Variants in SUMO2 observed in about 807,000 individuals in gnomAD.
The protein encoded by SUMO2 is small ubiquitin-related modifier 2.
Under a neutral mutation model 16.0 loss-of-function variants are expected in SUMO2, and 1 was observed. The observed-to-expected ratio is 0.06, with a 90% confidence interval of 0.02 to 0.30. The LOEUF (loss-of-function observed/expected upper bound fraction) is 0.30. Ranked by LOEUF, SUMO2 falls within the 10% of genes least tolerant of loss-of-function variation. The probability of loss-of-function intolerance (pLI) is 1.00; values close to 1 mark genes in which losing one functional copy is unlikely to be tolerated. For missense variants in SUMO2, 16 were observed against 117.5 expected (o/e 0.14, Z 3.99); for synonymous variants, 36 against 40.6 (o/e 0.89, Z 0.43).
At chr17:75,168,462 T>G in intron 3 of SUMO2, 61 bp from the exon 4 acceptor site, 1 of 1,495,942 alleles carries the variant, frequency 6.7e-7, no homozygotes, top group Non-Finnish European at 9.1e-7. Flanking sequence ...TTAATGATTT[T>G]TGGGTTTAAG....
At position 75,170,531 on chromosome 17, in the gene SUMO2, C is replaced by G. The variant is rs147950264; in HGVS notation, c.226-2130G>C. ...GTTACAGTGAGCTGTGATTGCCCCA[C>G]TGCACTCCAGCCTGGCAACAGAGCA... On this transcript the variant is annotated intron_variant, in intron 3 of 3. Transcript: ENST00000420826. Among the ~76,000 whole-genome samples, 148 of 152,178 alleles carry G rather than the reference C, an allele frequency of 9.7e-4. 2 individuals carry two copies. Among genetic ancestry groups the G allele is most frequent in the African/African-American group, 3.5e-3 (146 of 41,504 alleles).
At chr17:75,171,756 C>A (rs2074740435) in intron 3 of SUMO2, among the ~76,000 whole-genome samples, 2 of 152,002 alleles carry the variant, frequency 1.3e-5, no homozygotes, top group African/African-American at 4.8e-5. Context: ...AGCAGATAAT[C>A]CCGTTTTAGT....
chr17:75,177,500 T>C (rs2074791662), intron 2 of SUMO2, among the ~76,000 whole-genome samples: 1 of 151,898 alleles, frequency 6.6e-6, no homozygotes, highest in African/African-American at 2.4e-5. Context: ...CTGATCAACA[T>C]GGTGAAGCCC....
intron 3 of SUMO2, among the ~76,000 whole-genome samples, chr17:75,173,232 T>A (rs2074755717): frequency 6.6e-6 from 1 of 152,088 alleles, no homozygotes; most frequent in Non-Finnish European, 1.5e-5. Context: ...AGTATGATCA[T>A]AACTCACTGC....
chr17:75,181,594 A>G (rs1040724624), intron 1 of SUMO2, among the ~76,000 whole-genome samples: 1 of 152,182 alleles, frequency 6.6e-6, no homozygotes, highest in African/African-American at 2.4e-5. Flanking sequence ...AAACAAAACA[A>G]TAAATCTACA....
chr17:75,168,290 C>G lies in SUMO2; in HGVS notation c.*49G>C. ...GCAGTTTTCTAATTGAGAATGTAAT[C>G]TTGGTCTTTAAAGAACAGAGTTCTG... On this transcript the variant is annotated 3_prime_UTR_variant, in exon 4 of 4. Coordinates refer to ENST00000420826, the MANE Select transcript of SUMO2 (RefSeq NM_006937.4). 2 of 1,402,914 alleles carry G rather than the reference C, an allele frequency of 1.4e-6. No homozygotes were observed. The highest frequency in any genetic ancestry group is 1.9e-6 in the Non-Finnish European group (2 of 1,028,766). The allele number at this position is 1,402,914 out of a possible 1,614,324, so 86.9% of individuals were successfully genotyped here.
At chr17:75,181,989 C>A (rs1342628246) in intron 1 of SUMO2, among the ~76,000 whole-genome samples, 1 of 151,818 alleles carries the variant, frequency 6.6e-6, no homozygotes, top group Non-Finnish European at 1.5e-5. Flanking sequence ...GGGGGTGCCA[C>A]CAAACTAAAA....
rs143165653 is a variant in SUMO2 at position 75,176,274 on chromosome 17, G to A, written c.154-1451C>T. On this transcript the variant is annotated intron_variant, in intron 2 of 3. Coordinates refer to ENST00000420826, the MANE Select transcript of SUMO2 (RefSeq NM_006937.4). ...AGGATGGTCTCAATTTCCTGACCTC[G>A]TGATCCGCCTGGCTGGCCACTAACA... 5.6e-3 allele frequency among the ~76,000 whole-genome samples: 855 copies of A among 152,034 alleles called. 7 individuals carry two copies. The highest frequency in any genetic ancestry group is 0.019 in the African/African-American group (804 of 41,476).
Position 75,168,249 on chromosome 17 carries a change from G to A in SUMO2, c.*90C>T, listed in dbSNP as rs1303387140. The A allele has an allele frequency of 4.3e-6, 4 of 933,016 alleles. No individual in the cohort carries two copies. Among genetic ancestry groups the A allele is most frequent in the Non-Finnish European group, 6.4e-6 (4 of 623,418 alleles). The allele number at this position is 933,016 out of a possible 1,614,324, so 57.8% of individuals were successfully genotyped here. A position where few individuals can be genotyped will look rare whatever the true frequency, so the allele number is the denominator to read the frequency against. ...AAAACTATACGGTAGTAGTCAGGAT[G>A]TGGTGGAACCAAATTGCAGTTTTCT... On this transcript the variant is annotated 3_prime_UTR_variant, in exon 4 of 4. Transcript: ENST00000420826.
chr17:75,180,406 A>AAAC (rs2074818522), intron 2 of SUMO2, among the ~76,000 whole-genome samples: 1 of 144,114 alleles, frequency 6.9e-6, no homozygotes, highest in Non-Finnish European at 1.5e-5. Context: ...AAAAAAAAAA[A>AAAC]AAAAAAAAAA....
chr17:75,171,721 C>G (rs1195762255), intron 3 of SUMO2, among the ~76,000 whole-genome samples: 1 of 152,048 alleles, frequency 6.6e-6, no homozygotes, highest in Non-Finnish European at 1.5e-5. Flanking sequence ...CAAATAACTC[C>G]TTGTTTAATA....
At chr17:75,178,524 AAAAG>A (rs2074802191) in intron 2 of SUMO2, among the ~76,000 whole-genome samples, 1 of 150,680 alleles carries the variant, frequency 6.6e-6, no homozygotes, top group Non-Finnish European at 1.5e-5. Context: ...AAAAAAAAAA[AAAAG>A]AAAAGAATAC....
intron 1 of SUMO2, among the ~76,000 whole-genome samples, chr17:75,181,878 G>A (rs111996518): frequency 3.1e-4 from 45 of 146,396 alleles, no homozygotes; most frequent in Non-Finnish European, 6.7e-4. Flanking sequence ...ATCCTGATTT[G>A]TTTCTTGTAG....
intron 2 of SUMO2, among the ~76,000 whole-genome samples, chr17:75,176,052 T>G (rs1332402871): frequency 4.7e-5 from 7 of 150,068 alleles, no homozygotes; most frequent in Non-Finnish European, 8.9e-5. Context: ...ATGAAATTTT[T>G]TTTTTTTAAA....
chr17:75,169,881 G>A (rs1175923717), intron 3 of SUMO2, among the ~76,000 whole-genome samples: 4 of 147,866 alleles, frequency 2.7e-5, no homozygotes, highest in East Asian at 4.1e-4. Flanking sequence ...GGGGGCGGGT[G>A]TGGCAGCTCA....
In SUMO2 at chr17:75,182,937, G is replaced by T. The variant is rs1218886804; in HGVS notation, c.-103C>A. On this transcript the variant is annotated 5_prime_UTR_variant, in exon 1 of 4. Coordinates refer to ENST00000420826, the MANE Select transcript of SUMO2 (RefSeq NM_006937.4). ...ACCAGGAGCGGCAGAAGAAGGAGGC[G>T]GCAGCGGTGGACGAGGGGAGAGGGT... The T allele has an allele frequency of 4.8e-6, 5 of 1,049,312 alleles. No homozygotes were observed. The highest frequency in any genetic ancestry group is 3.4e-5 in the African/African-American group (2 of 59,570). 65.0% of individuals were successfully genotyped at this position (1,049,312 alleles called of 1,614,324 possible).
chr17:75,176,663 C>A (rs1489890786), intron 2 of SUMO2, among the ~76,000 whole-genome samples: 1 of 152,002 alleles, frequency 6.6e-6, no homozygotes, highest in Non-Finnish European at 1.5e-5. Flanking sequence ...CCCCAACCTA[C>A]ACCCTTGAAC....
intron 2 of SUMO2, among the ~76,000 whole-genome samples, chr17:75,176,699 C>A (rs529743704): frequency 1.3e-5 from 2 of 152,160 alleles, no homozygotes; most frequent in East Asian, 3.9e-4. Context: ...TAAAAAAGCA[C>A]CGCTTTTTAA....
rs983421655 is a variant in SUMO2 at position 75,167,932 on chromosome 17, C to T, written c.*407G>A. Reference sequence around the variant, plus strand: ...AAAACATTAAAATTCTCCAATTGAACAAGGTATGCAAGGATTTTTATGTTG... The same window carrying T: ...AAAACATTAAAATTCTCCAATTGAATAAGGTATGCAAGGATTTTTATGTTG... On this transcript the variant is annotated 3_prime_UTR_variant, in exon 4 of 4. Transcript: ENST00000420826. 6 of 158,520 alleles carry T rather than the reference C, an allele frequency of 3.8e-5. No individual in the cohort carries two copies. Among genetic ancestry groups the T allele is most frequent in the African/African-American group, 1.2e-4 (5 of 41,064 alleles). 9.8% of individuals were successfully genotyped at this position (158,520 alleles called of 1,614,324 possible).
Sources: gnomAD v4.1 joint callset for allele counts (sites outside exome capture counted in the v4.1 genomes callset) on GRCh38, gnomAD v4.1.1 for gene constraint, MANE v1.5 for transcripts, NCBI Gene and HGNC (gene_info 2026-07-23, HGNC 2026-07-21) for gene names.